KDM4C: variants seen among roughly 807,000 people sequenced by gnomAD.
The protein encoded by KDM4C is lysine demethylase 4C, also known as lysine-specific demethylase 4C.
KDM4C carries 81 observed loss-of-function variants against 129.3 expected under a neutral mutation model. That is an observed-to-expected ratio of 0.63 (90% confidence interval 0.52 to 0.75). The LOEUF is 0.75. Among genes scored for constraint, KDM4C ranks in the 30% least tolerant of loss-of-function variants. The probability of loss-of-function intolerance (pLI) is 0.00; values close to 1 mark genes in which losing one functional copy is unlikely to be tolerated. For missense variants in KDM4C, 1,457 were observed against 1,304.0 expected, an observed-to-expected ratio of 1.12 and a Z score of -1.81; for synonymous variants, 573 against 456.1, an observed-to-expected ratio of 1.26 and a Z score of -3.26.
chr9:6,773,377 G>T (rs1280272144), intron 1 of KDM4C, among the ~76,000 whole-genome samples: 2 of 152,138 alleles, frequency 1.3e-5, no homozygotes, highest in African/African-American at 4.8e-5. Context: ...TAATGCCAGT[G>T]TCATTGTTGA....
At chr9:7,039,640 ATATGT>A (rs1828226930) in intron 15 of KDM4C, among the ~76,000 whole-genome samples, 1 of 152,092 alleles carries the variant, frequency 6.6e-6, no homozygotes. Flanking sequence ...CACACAGTTT[ATATGT>A]TATATTTATT....
At chr9:6,900,077 G>A (rs184489975) in intron 8 of KDM4C, among the ~76,000 whole-genome samples, 1 of 152,218 alleles carries the variant, frequency 6.6e-6, no homozygotes, top group Admixed American at 6.5e-5. Context: ...ATGTCAGATC[G>A]AGCTCTGGGC....
chr9:6,734,892 G>A (rs542777727), intron 1 of KDM4C: 2 of 563,330 alleles, frequency 3.6e-6, no homozygotes, highest in Non-Finnish European at 7.0e-6. Context: ...CTTCACAATG[G>A]AAGGTAGTCC....
At chr9:7,053,162 G>A (rs1256348278) in intron 17 of KDM4C, among the ~76,000 whole-genome samples, 5 of 152,120 alleles carry the variant, frequency 3.3e-5, no homozygotes, top group Admixed American at 3.3e-4. Context: ...TATGAAGGCT[G>A]TTTATTTTTA....
chr9:6,838,246 A>AT (rs1365120900), intron 4 of KDM4C, among the ~76,000 whole-genome samples: 1 of 152,160 alleles, frequency 6.6e-6, no homozygotes, highest in Non-Finnish European at 1.5e-5. Flanking sequence ...AGACAACTCA[A>AT]TATTAGTGGT....
chr9:7,013,434 G>C (rs541314005), intron 13 of KDM4C, among the ~76,000 whole-genome samples: 22 of 152,234 alleles, frequency 1.4e-4, no homozygotes, highest in African/African-American at 5.3e-4. Flanking sequence ...AGTGTAGCAA[G>C]GTATGATTCT....
At chr9:6,995,776 A>G (rs976080529) in intron 12 of KDM4C, among the ~76,000 whole-genome samples, 4 of 151,818 alleles carry the variant, frequency 2.6e-5, no homozygotes, top group Non-Finnish European at 4.4e-5. Context: ...GGTTCACACC[A>G]TTCTCCTACC....
intron 17 of KDM4C, among the ~76,000 whole-genome samples, chr9:7,082,017 C>G (rs926991314): frequency 2.6e-5 from 4 of 152,132 alleles, no homozygotes; most frequent in African/African-American, 9.7e-5. Flanking sequence ...TCCACTTAGC[C>G]TGGCCTTTGC....
intron 1 of KDM4C, among the ~76,000 whole-genome samples, chr9:6,761,054 C>T (rs1819392934): frequency 7.0e-6 from 1 of 142,932 alleles, no homozygotes; most frequent in Non-Finnish European, 1.5e-5. Flanking sequence ...CATGGAGTCT[C>T]ACTCTGTGCC....
At chr9:6,734,153 C>G (rs1259947021) in intron 1 of KDM4C, among the ~76,000 whole-genome samples, 1 of 152,088 alleles carries the variant, frequency 6.6e-6, no homozygotes, top group Non-Finnish European at 1.5e-5. Flanking sequence ...CTCTGACACA[C>G]ACAACTTAAC....
intron 8 of KDM4C, chr9:6,925,315 C>T (rs1255593988): frequency 1.0e-6 from 1 of 985,202 alleles, no homozygotes; most frequent in African/African-American, 1.7e-5. Context: ...ATAAAGGAGA[C>T]ACAAGCTTTC....
At chr9:6,785,839 G>C (rs1168837129) in intron 1 of KDM4C, among the ~76,000 whole-genome samples, 1 of 152,240 alleles carries the variant, frequency 6.6e-6, no homozygotes, top group Admixed American at 6.5e-5. Flanking sequence ...GCAGTGTGCA[G>C]AGCAGAAGCT....
At chr9:7,139,400 A>T (rs1247387641) in intron 19 of KDM4C, among the ~76,000 whole-genome samples, 2 of 152,252 alleles carry the variant, frequency 1.3e-5, no homozygotes, top group African/African-American at 4.8e-5. Context: ...TTACACCATA[A>T]AAGAAAGTGA....
intron 8 of KDM4C, among the ~76,000 whole-genome samples, chr9:6,975,614 C>T (rs1474235797): frequency 6.6e-6 from 1 of 152,144 alleles, no homozygotes; most frequent in Non-Finnish European, 1.5e-5. Context: ...GACTCTTATT[C>T]TCTAGGCACC....
intron 5 of KDM4C, among the ~76,000 whole-genome samples, chr9:6,864,147 G>T (rs910849877): frequency 6.6e-6 from 1 of 151,970 alleles, no homozygotes; most frequent in Non-Finnish European, 1.5e-5. Context: ...TCCCTGCTTC[G>T]TATTGAAGAA....
At chr9:7,020,872 A>G (rs924331822) in intron 15 of KDM4C, among the ~76,000 whole-genome samples, 3 of 151,072 alleles carry the variant, frequency 2.0e-5, no homozygotes, top group Admixed American at 1.3e-4. Flanking sequence ...TTTTGACTGT[A>G]GTCACCTTGC....
rs59151680 is a variant in KDM4C, at chr9:6,801,239, ATTTTTTTTTT to A, written c.145-4337_145-4328del. Among the ~76,000 whole-genome samples the A allele has an allele frequency of 5.9e-4, 39 of 65,740 alleles. No homozygotes were observed. The South Asian group carries it at 7.8e-3, about 13-fold the overall frequency. The allele number at this position is 65,740 out of a possible 152,430, so 43.1% of individuals were successfully genotyped here. A position where few individuals can be genotyped will look rare whatever the true frequency, so the allele number is the denominator to read the frequency against. ...CATTTTTATGTCCTTGAGTAGGGAA[ATTTTTTTTTT>A]TTTTTTTTTTTTTTTTTTTTTTGAG... is the stretch of plus-strand genomic sequence containing the variant. On this transcript the variant is annotated intron_variant, in intron 2 of 21. Transcript: ENST00000381309.
intron 8 of KDM4C, among the ~76,000 whole-genome samples, chr9:6,949,473 G>C (rs1827689431): frequency 6.6e-6 from 1 of 152,188 alleles, no homozygotes; most frequent in South Asian, 2.1e-4. Flanking sequence ...TCGGCACTTT[G>C]GGAGGCCAAG....
rs1347211618 is a variant in KDM4C, at chr9:6,886,714, G to A, written c.680-1246G>A. ...TTACCATGTTGGCCAGGCTGGTCTC[G>A]AACTCCTGACCTTGTGGACCACCCG... On this transcript the variant is annotated intron_variant, in intron 6 of 21. Coordinates refer to ENST00000381309, the MANE Select transcript of KDM4C (RefSeq NM_015061.6). Among the ~76,000 whole-genome samples the A allele has an allele frequency of 3.3e-5, 5 of 152,038 alleles. No individual in the cohort carries two copies. In the East Asian group the frequency reaches 5.8e-4, roughly 18 times the overall value.
Sources: gnomAD v4.1 joint callset for allele counts (sites outside exome capture counted in the v4.1 genomes callset) on GRCh38, gnomAD v4.1.1 for gene constraint, MANE v1.5 for transcripts, NCBI Gene and HGNC (gene_info 2026-07-23, HGNC 2026-07-21) for gene names.